The following NIT1 variants were observed in gnomAD, a reference collection of about 807,000 sequenced individuals.
The protein encoded by NIT1 is nitrilase 1, also known as deaminated glutathione amidase.
In NIT1, 30 loss-of-function variants were observed where a neutral mutation model predicts 36.8. The ratio of observed to expected loss-of-function variants is 0.82; its 90% CI spans 0.61 to 1.11. NIT1 has a LOEUF of 1.11. Among genes scored for constraint, NIT1 ranks in the 50% least tolerant of loss-of-function variants. NIT1 has a pLI of 0.00. For missense variants in NIT1, 438 were observed against 410.6 expected, an observed-to-expected ratio of 1.07 and a Z score of -0.58; for synonymous variants, 151 against 155.6, an observed-to-expected ratio of 0.97 and a Z score of 0.22.
Position 161,118,870 on chromosome 1 carries a change from T to G in NIT1, c.87T>G (p.Cys29Trp). ...GGATACCTCAACTCTCAGTACTTTG[T>G]GCTCAGCCCAGGTAACACGTTTTGT... is the stretch of plus-strand genomic sequence containing the variant. ...GLRIPQLSVL[C>W]AQPRPRAMAI... The change falls in exon 2 of 7, where the codon TGT (cysteine) becomes TGG (tryptophan). Residue 29 changes from cysteine to tryptophan, a missense_variant. Cys to Trp is a radical substitution (Grantham distance 215). Transcript: ENST00000368009. 6.2e-7 allele frequency: 1 copy of G among 1,613,490 alleles called. No homozygotes were observed. Among genetic ancestry groups the G allele is most frequent in the South Asian group, 1.1e-5 (1 of 91,076 alleles).
downstream of NIT1, chr1:161,124,569 G>T: frequency 6.7e-7 from 1 of 1,492,810 alleles, no homozygotes. Flanking sequence ...TCAAGGGCAG[G>T]AACTAGTCTC....
chr1:161,122,967 A>G (rs1655688163), downstream of NIT1: 7 of 1,599,554 alleles, frequency 4.4e-6, no homozygotes, highest in African/African-American at 9.4e-5. This position sits in a 1 kb window ranked among gnomAD's most constrained non-coding sequence, Gnocchi z 4.2. Context: ...TTGCAATGGC[A>G]ATCAAAGTGA....
At chr1:161,123,978 T>C (rs541308419), downstream of NIT1, 2 of 1,609,476 alleles carry the variant, frequency 1.2e-6, no homozygotes, top group African/African-American at 1.3e-5. Flanking sequence ...TTCAGGAAAA[T>C]ATACACCCTT....
At chr1:161,123,021 C>A, downstream of NIT1, 2 of 1,614,226 alleles carry the variant, frequency 1.2e-6, no homozygotes, top group Non-Finnish European at 1.7e-6. Context: ...CCCAGCAGTT[C>A]TTTATATTCT....
downstream of NIT1, chr1:161,124,652 T>C: frequency 8.0e-7 from 1 of 1,254,806 alleles, no homozygotes; most frequent in Non-Finnish European, 1.0e-6. Context: ...TATTAAATTT[T>C]TGAAGTGTTT....
downstream of NIT1, chr1:161,122,985 A>G (rs1308334582): frequency 6.2e-7 from 1 of 1,613,480 alleles, no homozygotes; most frequent in South Asian, 1.1e-5. The surrounding 1 kb of genome is among the most constrained non-coding windows in gnomAD (Gnocchi z 4.2). Context: ...TGAATCTCAC[A>G]CTGAATAGCA....
Position 161,120,841 on chromosome 1 carries a change from G to A in NIT1, c.*76G>A. On this transcript the variant is annotated 3_prime_UTR_variant, in exon 7 of 7. Coordinates refer to ENST00000368009, the MANE Select transcript of NIT1 (RefSeq NM_005600.3). ...CTATGAGCTAGTGCTCATGTGACTT[G>A]GAGGCAGGATCCAGGCACAGCTCCC... 6.6e-7 allele frequency: 1 copy of A among 1,506,856 alleles called. No individual in the cohort carries two copies. Among genetic ancestry groups the A allele is most frequent in the Non-Finnish European group, 9.0e-7 (1 of 1,117,182 alleles). The allele number at this position is 1,506,856 out of a possible 1,614,324, so 93.3% of individuals were successfully genotyped here. A position where few individuals can be genotyped will look rare whatever the true frequency, so the allele number is the denominator to read the frequency against.
rs753424130 is a variant in NIT1 at position 161,119,124 on chromosome 1, C to T, written c.99-10C>T. The stretch of plus-strand genomic sequence containing the variant: ...ATGAAATCTGAGAATCCTGCCTATG[C>T]TGTTCACAGGCCCAGAGCCATGGCT... On this transcript the variant is annotated splice_polypyrimidine_tract_variant and intron_variant, in intron 2 of 6. Coordinates refer to ENST00000368009, the MANE Select transcript of NIT1 (RefSeq NM_005600.3). The T allele has an allele frequency of 7.4e-6, 12 of 1,613,012 alleles. No homozygotes were observed. In the East Asian group the frequency reaches 2.7e-4, roughly 36 times the overall value.
chr1:161,118,619 T>C (rs971633236), intron 1 of NIT1, 167 bp from the exon 2 acceptor site: 200 of 1,531,844 alleles, frequency 1.3e-4, no homozygotes, highest in Admixed American at 2.2e-4. Flanking sequence ...TCCCACTGTA[T>C]GGTCTTGTCC....
At chr1:161,122,125 C>T (rs745348520), downstream of NIT1, 7 of 1,610,286 alleles carry the variant, frequency 4.3e-6, no homozygotes, top group Non-Finnish European at 5.9e-6. This position sits in a 1 kb window ranked among gnomAD's most constrained non-coding sequence, Gnocchi z 4.2. Context: ...GAACAGTCCC[C>T]AAAGTGAGAA....
Position 161,119,921 on chromosome 1 carries a change from T to G in NIT1, c.560T>G (p.Leu187Arg). Reference sequence around the variant, plus strand: ...AACTCTACCATGCCTGGGCCCAGTCTTGAGTCACCTGTCAGCACACCAGCA... The same window carrying G: ...AACTCTACCATGCCTGGGCCCAGTCGTGAGTCACCTGTCAGCACACCAGCA... The part of the protein sequence containing the change: ...ESNSTMPGPS[L>R]ESPVSTPAGK... The change falls in exon 5 of 7, where the codon CTT (leucine) becomes CGT (arginine). Residue 187 changes from leucine to arginine, a missense_variant. Leu to Arg is a moderately radical substitution (Grantham distance 102). Coordinates refer to ENST00000368009, the MANE Select transcript of NIT1 (RefSeq NM_005600.3). 6.2e-7 allele frequency: 1 copy of G among 1,612,250 alleles called. No individual in the cohort carries two copies. Among genetic ancestry groups the G allele is most frequent in the East Asian group, 2.2e-5 (1 of 44,874 alleles).
Position 161,118,135 on chromosome 1 carries a change from C to T in NIT1, c.-42C>T. The T allele has an allele frequency of 1.9e-6, 3 of 1,613,904 alleles. No homozygotes were observed. The highest frequency in any genetic ancestry group is 1.7e-6 in the Non-Finnish European group (2 of 1,179,896). ...CTGCGGCGCTTCTGGCTCCAGACCGCCCTCCGGATCGGACCCTGCGAATGG... is the reference window on the plus strand; with the variant it reads ...CTGCGGCGCTTCTGGCTCCAGACCGTCCTCCGGATCGGACCCTGCGAATGG... On this transcript the variant is annotated 5_prime_UTR_variant, in exon 1 of 7. Transcript: ENST00000368009.
chr1:161,124,920 A>AC (rs112277456), downstream of NIT1: 8 of 158,264 alleles, frequency 5.1e-5, no homozygotes, highest in African/African-American at 1.7e-4. Context: ...ACATAGCAAG[A>AC]CCCCATCTCT....
chr1:161,124,143 C>A (rs781221087), downstream of NIT1: 1 of 1,610,896 alleles, frequency 6.2e-7, no homozygotes, highest in Non-Finnish European at 8.5e-7. Context: ...CTCACCAGCC[C>A]GTCTCCTCTT....
chr1:161,124,038 A>T, downstream of NIT1: 1 of 1,579,412 alleles, frequency 6.3e-7, no homozygotes, highest in Non-Finnish European at 8.6e-7. Context: ...TACTCTAAGT[A>T]CTCCCCAGGA....
chr1:161,120,152 C>G lies in NIT1; in HGVS notation c.637C>G (p.Leu213Val). ...CYDMRFPELSLALAQAGAEIL... is the reference protein window; with the variant it reads ...CYDMRFPELSVALAQAGAEIL... ...TGACATGCGGTTCCCTGAACTCTCT[C>G]TGGCATTGGCTCAAGCTGGAGCAGA... Residue 213 changes from leucine to valine, a missense_variant, in exon 6 of 7, where the codon CTG (leucine) becomes GTG (valine). Transcript: ENST00000368009. 6.2e-7 allele frequency: 1 copy of G among 1,614,184 alleles called. No homozygotes were observed. Among genetic ancestry groups the G allele is most frequent in the Non-Finnish European group, 8.5e-7 (1 of 1,180,042 alleles).
Position 161,121,101 on chromosome 1 carries a change from G to A in NIT1, c.*336G>A, listed in dbSNP as rs1056647190. The stretch of plus-strand genomic sequence containing the variant: ...GACATCGCCTTTGGGAACTAGAAGG[G>A]GAGTTGGTATTGTACCAGCTGGACT... On this transcript the variant is annotated 3_prime_UTR_variant, in exon 7 of 7. Coordinates refer to ENST00000368009, the MANE Select transcript of NIT1 (RefSeq NM_005600.3). 24 of 1,152,080 alleles carry A rather than the reference G, an allele frequency of 2.1e-5. No individual in the cohort carries two copies. Among genetic ancestry groups the A allele is most frequent in the South Asian group, 4.1e-5 (2 of 49,374 alleles). The allele number at this position is 1,152,080 out of a possible 1,614,324, so 71.4% of individuals were successfully genotyped here.
rs374120135 is a variant in NIT1 at position 161,119,503 on chromosome 1, C to T, written c.354-6C>T. On this transcript the variant is annotated splice_polypyrimidine_tract_variant and splice_region_variant and intron_variant, in intron 3 of 6. Coordinates refer to ENST00000368009, the MANE Select transcript of NIT1 (RefSeq NM_005600.3). ...GTGAAGAGTTGTCAGTGTCCCTTCC[C>T]CCCAGGGAATGTGGACTCTGGCTGT... The T allele has an allele frequency of 1.2e-6, 2 of 1,613,922 alleles. No individual in the cohort carries two copies. The highest frequency in any genetic ancestry group is 1.7e-6 in the Non-Finnish European group (2 of 1,179,834).
At chr1:161,124,334 G>A (rs752399756), downstream of NIT1, 9 of 1,614,122 alleles carry the variant, frequency 5.6e-6, no homozygotes, top group East Asian at 4.5e-5. Context: ...AAGAAAGCAC[G>A]CGCACATCTC....
Sources: gnomAD v4.1 joint callset for allele counts on GRCh38, gnomAD v4.1.1 for gene constraint, Gnocchi (gnomAD v3.1) non-coding constraint, MANE v1.5 for transcripts, NCBI Gene and HGNC (gene_info 2026-07-23, HGNC 2026-07-21) for gene names.